Variants in HPGDS observed in about 807,000 individuals in gnomAD.
The protein encoded by HPGDS is hematopoietic prostaglandin D synthase, also known as GST class-sigma.
Under a neutral mutation model 23.1 loss-of-function variants are expected in HPGDS, and 26 were observed. That is an observed-to-expected ratio of 1.13 (90% CI 0.83 to 1.56). HPGDS has a LOEUF of 1.56. Ranked by LOEUF, HPGDS falls within the 40% of genes most tolerant of loss-of-function variation. The pLI is 0.00. For missense variants in HPGDS, 268 were observed against 236.4 expected (o/e 1.13, Z -0.88); for synonymous variants, 95 against 77.9 (o/e 1.22, Z -1.16).
At chr4:94,307,475 T>A (rs1389222149) in intron 4 of HPGDS, among the ~76,000 whole-genome samples, 1 of 152,062 alleles carries the variant, frequency 6.6e-6, no homozygotes, top group East Asian at 1.9e-4. Flanking sequence ...ATTTTAACTT[T>A]TGGAATACTA....
intron 2 of HPGDS, among the ~76,000 whole-genome samples, chr4:94,333,459 AG>A (rs1197850843): frequency 6.6e-6 from 1 of 152,238 alleles, no homozygotes; most frequent in African/African-American, 2.4e-5. Flanking sequence ...TAAGACACCA[AG>A]GGGTGGCAGA....
At chr4:94,338,794 C>T (rs1198012723) in intron 1 of HPGDS, among the ~76,000 whole-genome samples, 3 of 151,936 alleles carry the variant, frequency 2.0e-5, no homozygotes, top group African/African-American at 4.8e-5. Flanking sequence ...AGGAAGGGAG[C>T]GACACAGCAT....
chr4:94,310,000 G>A (rs1467910973), intron 3 of HPGDS, among the ~76,000 whole-genome samples: 1 of 152,170 alleles, frequency 6.6e-6, no homozygotes, highest in African/African-American at 2.4e-5. Flanking sequence ...ATGCAAATAT[G>A]TTTGAGTTCT....
chr4:94,308,010 A>G (rs1756171268), intron 4 of HPGDS, among the ~76,000 whole-genome samples: 2 of 152,112 alleles, frequency 1.3e-5, no homozygotes. Context: ...ATGCTTGGGA[A>G]CAGAATTGTG....
intron 5 of HPGDS, 123 bp downstream of exon 5, chr4:94,302,023 C>A: frequency 1.9e-6 from 1 of 534,196 alleles, no homozygotes; most frequent in Non-Finnish European, 3.4e-6. Flanking sequence ...AGAAGTTTAA[C>A]CTTTGTTCTT....
chr4:94,317,084 T>C (rs1015542828), intron 3 of HPGDS, among the ~76,000 whole-genome samples: 1 of 152,204 alleles, frequency 6.6e-6, no homozygotes, highest in Non-Finnish European at 1.5e-5. Flanking sequence ...TTAGTATTCA[T>C]GGCCCATTTT....
intron 2 of HPGDS, among the ~76,000 whole-genome samples, chr4:94,327,045 G>T (rs1342873231): frequency 1.2e-4 from 19 of 152,090 alleles, no homozygotes. Flanking sequence ...GTGAGTCTTT[G>T]CTGGGGAGGG....
intron 3 of HPGDS, among the ~76,000 whole-genome samples, chr4:94,310,771 T>C (rs1179427464): frequency 6.6e-6 from 1 of 152,240 alleles, no homozygotes; most frequent in East Asian, 1.9e-4. Flanking sequence ...CCCATGAGCA[T>C]GGAATGTTCT....
chr4:94,316,243 G>T (rs1383974093), intron 3 of HPGDS, among the ~76,000 whole-genome samples: 3 of 152,184 alleles, frequency 2.0e-5, no homozygotes, highest in Non-Finnish European at 4.4e-5. Context: ...AGAGGAGAAG[G>T]AGGAAGAAAA....
intron 1 of HPGDS, among the ~76,000 whole-genome samples, chr4:94,339,170 G>A (rs139392387): frequency 3.3e-5 from 5 of 152,140 alleles, no homozygotes; most frequent in African/African-American, 4.8e-5. Context: ...TAACATCTAG[G>A]TTATCTTGGT....
chr4:94,342,488 G>C (rs113955459), intron 1 of HPGDS, among the ~76,000 whole-genome samples: 26 of 152,316 alleles, frequency 1.7e-4, no homozygotes, highest in Non-Finnish European at 3.5e-4. Context: ...TCTGGAAGTA[G>C]TAACAAACCC....
intron 4 of HPGDS, 101 bp downstream of exon 4, chr4:94,308,533 T>A: frequency 1.7e-6 from 1 of 575,712 alleles, no homozygotes; most frequent in Non-Finnish European, 3.1e-6. Context: ...TTTAAAATTA[T>A]ACATATTCTT....
intron 1 of HPGDS, among the ~76,000 whole-genome samples, chr4:94,338,204 A>G (rs977619493): frequency 6.6e-5 from 10 of 152,152 alleles, no homozygotes; most frequent in Non-Finnish European, 1.2e-4. Context: ...CGGGCAGATC[A>G]CTTGAGGTCA....
chr4:94,301,999 A>G (rs1158092583), intron 5 of HPGDS, 147 bp downstream of exon 5: 1 of 463,134 alleles, frequency 2.2e-6, no homozygotes, highest in African/African-American at 2.0e-5. Flanking sequence ...TATTTTTTAA[A>G]AAGGTTTATT....
intron 3 of HPGDS, among the ~76,000 whole-genome samples, chr4:94,314,557 G>A (rs939010409): frequency 2.0e-5 from 3 of 152,186 alleles, no homozygotes; most frequent in East Asian, 1.9e-4. Flanking sequence ...CTACTCGGGG[G>A]TGCCTCCCAG....
At chr4:94,303,607 G>T (rs1756086590) in intron 4 of HPGDS, among the ~76,000 whole-genome samples, 1 of 152,130 alleles carries the variant, frequency 6.6e-6, no homozygotes. Context: ...TTAGTTATGA[G>T]TCTTTCTGCT....
intron 3 of HPGDS, among the ~76,000 whole-genome samples, chr4:94,314,399 G>T (rs1756349323): frequency 6.6e-6 from 1 of 152,172 alleles, no homozygotes; most frequent in African/African-American, 2.4e-5. Flanking sequence ...TTTGCCAGAG[G>T]TCCACTCCGG....
intron 3 of HPGDS, among the ~76,000 whole-genome samples, chr4:94,316,112 A>G (rs1225233616): frequency 6.6e-6 from 1 of 152,212 alleles, no homozygotes; most frequent in East Asian, 1.9e-4. Flanking sequence ...AGTATTGAAT[A>G]GAAGAGGTAA....
At chr4:94,305,219 A>T (rs1326373876) in intron 4 of HPGDS, among the ~76,000 whole-genome samples, 1 of 152,098 alleles carries the variant, frequency 6.6e-6, no homozygotes, top group African/African-American at 2.4e-5. Context: ...TGAACTATAA[A>T]TAGGGAGTTA....
Sources: allele counts gnomAD v4.1 joint callset (sites outside exome capture counted in the v4.1 genomes callset), GRCh38; gene constraint gnomAD v4.1.1; transcripts MANE v1.5; gene names NCBI Gene and HGNC (gene_info 2026-07-23, HGNC 2026-07-21).